HEATR4: variants seen among roughly 807,000 people sequenced by gnomAD.
The protein encoded by HEATR4 is HEAT repeat containing 4, also known as HEAT repeat-containing protein 4.
A neutral mutation model predicts 108.8 loss-of-function variants in HEATR4; 95 were observed. The ratio of observed to expected loss-of-function variants is 0.87; its 90% CI spans 0.74 to 1.04. HEATR4 has a LOEUF of 1.04. Among genes scored for constraint, HEATR4 ranks in the 50% least tolerant of loss-of-function variants. The probability of loss-of-function intolerance (pLI) is 0.00; values close to 1 mark genes in which losing one functional copy is unlikely to be tolerated. For synonymous variants in HEATR4, 443 were observed against 459.4 expected, an observed-to-expected ratio of 0.96 and a Z score of 0.46; for missense variants, 1,152 against 1,253.8, an observed-to-expected ratio of 0.92 and a Z score of 1.23.
Position 73,522,629 on chromosome 14 carries a change from A to C in HEATR4, c.524T>G (p.Leu175Arg), listed in dbSNP as rs753909357. 9 of 1,614,176 alleles carry C rather than the reference A, an allele frequency of 5.6e-6. No homozygotes were observed. In the East Asian group the frequency reaches 2.0e-4, roughly 36 times the overall value. Residue 175 changes from leucine (L) to arginine (R), a missense_variant, in exon 3 of 18, where the codon CTG (leucine) becomes CGG (arginine). Leu to Arg is a moderately radical substitution (Grantham distance 102). Coordinates refer to ENST00000553558, the MANE Select transcript of HEATR4 (RefSeq NM_001220484.1). ...IHHPCMHPDM[L>R]GRPPSLDVNL... Reference sequence around the variant, plus strand: ...CACATCTAGAGAAGGTGGCCGACCCAGCATATCTGGATGCATGCAGGGATG... The same window carrying C: ...CACATCTAGAGAAGGTGGCCGACCCCGCATATCTGGATGCATGCAGGGATG...
At chr14:73,524,773 G>C (rs1454038755) in intron 2 of HEATR4, among the ~76,000 whole-genome samples, 1 of 151,672 alleles carries the variant, frequency 6.6e-6, no homozygotes, top group Non-Finnish European at 1.5e-5. Flanking sequence ...CCAAGGAACA[G>C]GTAGGCCTCC....
rs200666896 is a variant in HEATR4, at chr14:73,497,546, C to A, written c.2546+609G>T. 9.8e-5 allele frequency among the ~76,000 whole-genome samples: 15 copies of A among 152,294 alleles called. No individual in the cohort carries two copies. In the East Asian group the frequency reaches 2.7e-3, roughly 27 times the overall value. On this transcript the variant is annotated intron_variant, in intron 14 of 17. Coordinates refer to ENST00000553558, the MANE Select transcript of HEATR4 (RefSeq NM_001220484.1). ...TTGCATGCCAGAGCTGGAATTCAAACCCTGGTCTTTTTGACTCTAAAACTT... is the reference window on the plus strand; with the variant it reads ...TTGCATGCCAGAGCTGGAATTCAAAACCTGGTCTTTTTGACTCTAAAACTT...
intron 1 of HEATR4, among the ~76,000 whole-genome samples, chr14:73,551,678 C>CAT (rs1889325681): frequency 1.8e-5 from 2 of 109,098 alleles, no homozygotes; most frequent in African/African-American, 3.0e-5. Context: ...TGTGGTGGTG[C>CAT]GCACCTGTAG....
At chr14:73,570,420 G>C in the HEATR4 span, among the ~76,000 whole-genome samples, 1 of 151,780 alleles carries the variant, frequency 6.6e-6, no homozygotes, top group Non-Finnish European at 1.5e-5. Flanking sequence ...ATACAAAACA[G>C]TAGCTGGGCG....
the HEATR4 span, chr14:73,593,854 T>C: frequency 6.2e-7 from 1 of 1,613,966 alleles, no homozygotes; most frequent in Admixed American, 1.7e-5. Context: ...GGACAACATA[T>C]CCCTGGAGTA....
rs557420183 is a variant in HEATR4 at position 73,501,719 on chromosome 14, C to T, written c.2106-989G>A. On this transcript the variant is annotated intron_variant, in intron 11 of 17. Transcript: ENST00000553558. ...CCTCCCAAGTAGCTGGGACTACAGG[C>T]ATACACCACCACACTGGCTAACTTT... is the stretch of plus-strand genomic sequence containing the variant. Among the ~76,000 whole-genome samples the T allele has an allele frequency of 4.6e-5, 7 of 151,830 alleles. No individual in the cohort carries two copies. The South Asian group carries it at 1.5e-3, about 32-fold the overall frequency.
chr14:73,590,435 G>A, the HEATR4 span, among the ~76,000 whole-genome samples: 1 of 152,388 alleles, frequency 6.6e-6, no homozygotes, highest in East Asian at 1.9e-4. Context: ...TGCCGCACGG[G>A]GTTCGCAGGT....
At chr14:73,619,909 T>C in the HEATR4 span, 2 of 1,464,442 alleles carry the variant, frequency 1.4e-6, no homozygotes, top group African/African-American at 1.4e-5. Context: ...GTTTTCTTTC[T>C]TTCTTTTCTC....
chr14:73,556,490 A>G lies in HEATR4; in HGVS notation c.-152+2261T>C, dbSNP rs1214191397. 1.1e-4 allele frequency among the ~76,000 whole-genome samples: 13 copies of G among 114,024 alleles called. 3 individuals are homozygous for G. The highest frequency in any genetic ancestry group is 3.7e-4 in the African/African-American group (13 of 35,524). 74.8% of individuals were successfully genotyped at this position (114,024 alleles called of 152,430 possible). A position where few individuals can be genotyped will look rare whatever the true frequency, so the allele number is the denominator to read the frequency against. ...TCATCCGATATGATGGCTTATTAAG[A>G]AGGAAGGGAACACATGATAGGTCTG... is the stretch of plus-strand genomic sequence containing the variant. On this transcript the variant is annotated intron_variant, in intron 1 of 17. Coordinates refer to ENST00000553558, the MANE Select transcript of HEATR4 (RefSeq NM_001220484.1).
Position 73,522,998 on chromosome 14 carries a change from C to G in HEATR4, c.155G>C (p.Ser52Thr). 6.2e-7 allele frequency: 1 copy of G among 1,614,034 alleles called. No homozygotes were observed. The highest frequency in any genetic ancestry group is 1.1e-5 in the South Asian group (1 of 91,088). ...SVSSVPMVFF[S>T]SQYRLHRKSQ... ...CTTGCGGTGTAGACGGTACTGTGAG[C>G]TGAAGAAGACCATAGGCACACTGGA... Residue 52 changes from serine to threonine, a missense_variant, in exon 3 of 18, where the codon AGC becomes ACC. Transcript: ENST00000553558.
intron 17 of HEATR4, among the ~76,000 whole-genome samples, chr14:73,486,881 T>C (rs1232737485): frequency 1.3e-5 from 2 of 152,198 alleles, no homozygotes; most frequent in Non-Finnish European, 2.9e-5. Flanking sequence ...CTTTAAATCA[T>C]ACTATGTACA....
At chr14:73,564,235 T>C in the HEATR4 span, among the ~76,000 whole-genome samples, 1 of 150,094 alleles carries the variant, frequency 6.7e-6, no homozygotes, top group African/African-American at 2.5e-5. Flanking sequence ...GAGCCAGAGG[T>C]TGCAGTGAGC....
At chr14:73,584,801 A>G in the HEATR4 span, among the ~76,000 whole-genome samples, 1 of 146,940 alleles carries the variant, frequency 6.8e-6, no homozygotes, top group East Asian at 2.0e-4. Context: ...ACCAGCCCCC[A>G]TTCCCACAAT....
chr14:73,535,221 AG>A lies in HEATR4; in HGVS notation c.-151-4978del, dbSNP rs1163202229. ...GCCAAATATTTACACATATTTATGA[AG>A]TTATACTTAAAACAAATTCCTAGAC... On this transcript the variant is annotated intron_variant, in intron 1 of 17. Coordinates refer to ENST00000553558, the MANE Select transcript of HEATR4 (RefSeq NM_001220484.1). 1.7e-5 allele frequency among the ~76,000 whole-genome samples: 2 copies of A among 114,704 alleles called. 1 individual carries two copies. The highest frequency in any genetic ancestry group is 5.6e-5 in the African/African-American group (2 of 35,402). The allele number at this position is 114,704 out of a possible 152,430, so 75.3% of individuals were successfully genotyped here. A position where few individuals can be genotyped will look rare whatever the true frequency, so the allele number is the denominator to read the frequency against.
the HEATR4 span, among the ~76,000 whole-genome samples, chr14:73,589,140 A>G: frequency 7.5e-6 from 1 of 133,106 alleles, no homozygotes; most frequent in Admixed American, 6.9e-5. Flanking sequence ...TTCTACATCT[A>G]CAGTTTTGGA....
chr14:73,633,536 T>C, the HEATR4 span: 1 of 152,350 alleles, frequency 6.6e-6, no homozygotes, highest in South Asian at 2.1e-4. Flanking sequence ...CAAAGATTAC[T>C]TAAAACGGAG....
rs1228571584 is a variant in HEATR4, at chr14:73,515,344, T to C, written c.1211-1110A>G. Among the ~76,000 whole-genome samples the C allele has an allele frequency of 3.3e-5, 5 of 152,128 alleles. No individual in the cohort carries two copies. In the East Asian group the frequency reaches 7.7e-4, roughly 23 times the overall value. On this transcript the variant is annotated intron_variant, in intron 5 of 17. Transcript: ENST00000553558. ...ATTTGCTCTGAATCAATTCTTTCCT[T>C]TGAGCAAGGAAGACATAACATTTCT... is the stretch of plus-strand genomic sequence containing the variant.
Position 73,537,938 on chromosome 14 carries a change from T to A in HEATR4, c.-151-7694A>T, listed in dbSNP as rs1359665822. On this transcript the variant is annotated intron_variant, in intron 1 of 17. Coordinates refer to ENST00000553558, the MANE Select transcript of HEATR4 (RefSeq NM_001220484.1). Reference sequence around the variant, plus strand: ...ATCCCTGTTCCTGCGCTTTCCACTGTGTGTGTGTGTGTGTCCCCTTCGCCC... The same window carrying A: ...ATCCCTGTTCCTGCGCTTTCCACTGAGTGTGTGTGTGTGTCCCCTTCGCCC... The A allele has an allele frequency of 4.2e-5, 44 of 1,042,228 alleles. 16 individuals are homozygous for A. Among genetic ancestry groups the A allele is most frequent in the Non-Finnish European group, 5.4e-5 (44 of 814,862 alleles). 64.6% of individuals were successfully genotyped at this position (1,042,228 alleles called of 1,614,324 possible). A position where few individuals can be genotyped will look rare whatever the true frequency, so the allele number is the denominator to read the frequency against.
At chr14:73,589,149 G>A in the HEATR4 span, among the ~76,000 whole-genome samples, 2 of 151,908 alleles carry the variant, frequency 1.3e-5, no homozygotes, top group South Asian at 4.1e-4. Context: ...TACAGTTTTG[G>A]ACAAATGTAT....
Sources: gnomAD v4.1 joint callset for allele counts (sites outside exome capture counted in the v4.1 genomes callset) on GRCh38, gnomAD v4.1.1 for gene constraint, MANE v1.5 for transcripts, NCBI Gene and HGNC (gene_info 2026-07-23, HGNC 2026-07-21) for gene names.